TENM2: variants seen among roughly 807,000 people sequenced by gnomAD.
The protein encoded by TENM2 is teneurin-2.
TENM2 carries 52 observed loss-of-function variants against 245.2 expected under a neutral mutation model. That is an observed-to-expected ratio of 0.21 (90% CI 0.17 to 0.27). TENM2 has a LOEUF of 0.27. Ranked by LOEUF, TENM2 falls within the 10% of genes least tolerant of loss-of-function variation. The probability of loss-of-function intolerance (pLI) is 1.00; values close to 1 mark genes in which losing one functional copy is unlikely to be tolerated. For synonymous variants in TENM2, 1,363 were observed against 1,438.9 expected (o/e 0.95, Z 1.19); for missense variants, 3,046 against 3,666.8 (o/e 0.83, Z 4.37).
chr5:167,782,736 A>T (rs1001189035), intron 2 of TENM2, among the ~76,000 whole-genome samples: 2 of 152,212 alleles, frequency 1.3e-5, no homozygotes, highest in Admixed American at 6.5e-5. Flanking sequence ...TACTTTTTTG[A>T]TCTTTTCACC....
At chr5:167,290,958 T>G (rs1754596715) in intron 1 of TENM2, among the ~76,000 whole-genome samples, 1 of 152,208 alleles carries the variant, frequency 6.6e-6, no homozygotes, top group Admixed American at 6.5e-5. Flanking sequence ...GGCAATAATT[T>G]GGAGTCTATG....
At chr5:167,252,474 A>C in the TENM2 span, among the ~76,000 whole-genome samples, 1 of 152,124 alleles carries the variant, frequency 6.6e-6, no homozygotes, top group Non-Finnish European at 1.5e-5. Flanking sequence ...GTCCAGGCTG[A>C]TAGAGACTCT....
At chr5:167,075,428 G>A in the TENM2 span, among the ~76,000 whole-genome samples, 2 of 152,192 alleles carry the variant, frequency 1.3e-5, no homozygotes, top group African/African-American at 4.8e-5. Flanking sequence ...AGGTGATTGG[G>A]AAAGTAGGTA....
At chr5:167,357,258 C>T (rs1461265464) in intron 1 of TENM2, among the ~76,000 whole-genome samples, 5 of 151,134 alleles carry the variant, frequency 3.3e-5, no homozygotes, top group South Asian at 2.1e-4. Flanking sequence ...ACAGAGCCCT[C>T]GTTGCTTTGA....
the TENM2 span, among the ~76,000 whole-genome samples, chr5:167,238,733 A>G: frequency 1.3e-5 from 2 of 152,036 alleles, no homozygotes. Flanking sequence ...ATAGTAAGAA[A>G]TGGAACTTAG....
In TENM2 at chr5:167,701,520, G is replaced by C. The variant is rs188136324; in HGVS notation, c.503-174466G>C. On this transcript the variant is annotated intron_variant, in intron 2 of 28. Transcript: ENST00000518659. ...GAGAAGAAGAAAACAACATAGGTTC[G>C]TGACATGTAATATTTGAGACCATTG... Among the ~76,000 whole-genome samples, 56 of 152,108 alleles carry C rather than the reference G, an allele frequency of 3.7e-4. No individual in the cohort carries two copies. In the East Asian group the frequency reaches 9.1e-3, roughly 25 times the overall value.
At chr5:168,215,355 A>C (rs1763097108) in intron 21 of TENM2, 83 bp downstream of exon 23, 2 of 1,056,166 alleles carry the variant, frequency 1.9e-6, no homozygotes, top group Non-Finnish European at 2.9e-6. Context: ...AACTTAACTA[A>C]GTCCAGCAGT....
chr5:167,665,589 A>G (rs9313386), intron 2 of TENM2, among the ~76,000 whole-genome samples: 4,054 of 152,240 alleles, frequency 0.027, 182 homozygotes, highest in African/African-American at 0.092. Context: ...TGAAAAAGAG[A>G]GATATAAACT....
At chr5:167,317,761 A>G (rs1202492109) in intron 1 of TENM2, among the ~76,000 whole-genome samples, 2 of 152,064 alleles carry the variant, frequency 1.3e-5, no homozygotes, top group Non-Finnish European at 1.5e-5. Flanking sequence ...CCTTTCCCTA[A>G]AGTGCATTTG....
intron 2 of TENM2, among the ~76,000 whole-genome samples, chr5:167,844,260 G>A (rs1181412314): frequency 6.6e-6 from 1 of 152,232 alleles, no homozygotes; most frequent in Non-Finnish European, 1.5e-5. Flanking sequence ...CTTCGACCTT[G>A]ATTGACTTGC....
intron 2 of TENM2, among the ~76,000 whole-genome samples, chr5:167,500,094 A>G (rs1176214325): frequency 6.6e-6 from 1 of 150,720 alleles, no homozygotes; most frequent in Non-Finnish European, 1.5e-5. Context: ...GTGTTCTACA[A>G]GATGTGGGTG....
intron 1 of TENM2, among the ~76,000 whole-genome samples, chr5:167,301,101 C>T (rs1190516413): frequency 1.3e-5 from 2 of 152,166 alleles, no homozygotes; most frequent in African/African-American, 4.8e-5. Flanking sequence ...ACCCGAAGCT[C>T]AGCATCCGTG....
At chr5:167,449,684 G>C (rs111898009) in intron 2 of TENM2, among the ~76,000 whole-genome samples, 1 of 151,240 alleles carries the variant, frequency 6.6e-6, no homozygotes, top group Non-Finnish European at 1.5e-5. Context: ...GGGGCCAGGT[G>C]CAGTGGCTCA....
chr5:167,663,191 A>G (rs1755353752), intron 2 of TENM2, among the ~76,000 whole-genome samples: 2 of 148,386 alleles, frequency 1.3e-5, no homozygotes, highest in South Asian at 4.3e-4. Flanking sequence ...AGAGAGAAAG[A>G]GAGAGAATGA....
chr5:167,208,731 A>C, the TENM2 span, among the ~76,000 whole-genome samples: 4 of 152,142 alleles, frequency 2.6e-5, no homozygotes, highest in Admixed American at 6.6e-5. Flanking sequence ...ATTGATGGAG[A>C]TCTTTTTGTT....
At chr5:167,097,242 G>T in the TENM2 span, among the ~76,000 whole-genome samples, 4,707 of 152,198 alleles carry the variant, frequency 0.031, 230 homozygotes, top group African/African-American at 0.11. Context: ...TTCTGTGCGG[G>T]TTGATGTGTT....
intron 7 of TENM2, among the ~76,000 whole-genome samples, chr5:168,079,744 A>G (rs912772770): frequency 1.3e-5 from 2 of 152,166 alleles, no homozygotes; most frequent in African/African-American, 2.4e-5. Flanking sequence ...ATTGATTTGC[A>G]TATGTTGAAC....
In TENM2 at chr5:168,247,542, C is replaced by T. The variant is rs767749293; in HGVS notation, c.6603C>T (p.Tyr2201=). Residue 2201 remains tyrosine (Y), a synonymous_variant, in exon 27 of 29, where the codon TAC becomes TAT. Transcript: ENST00000518659. The surrounding 1 kb of genome is among the most constrained non-coding windows in gnomAD (Gnocchi z 7.8). ...GGCCCTATGCCAATACCACGAAGTA[C>T]ACCTATGACTACGATGGGGACGGGC... 16 of 1,612,922 alleles carry T rather than the reference C, an allele frequency of 9.9e-6. No individual in the cohort carries two copies. The highest frequency in any genetic ancestry group is 7.6e-6 in the Non-Finnish European group (9 of 1,179,168).
intron 5 of TENM2, among the ~76,000 whole-genome samples, chr5:168,004,195 T>TA (rs892085316): frequency 2.0e-5 from 3 of 152,184 alleles, no homozygotes; most frequent in Non-Finnish European, 4.4e-5. Flanking sequence ...TCCTGATTTG[T>TA]AAAAAAATCT....
Sources: allele counts gnomAD v4.1 joint callset (sites outside exome capture counted in the v4.1 genomes callset), GRCh38; gene constraint gnomAD v4.1.1; non-coding constraint Gnocchi (gnomAD v3.1); transcripts MANE v1.5; gene names NCBI Gene and HGNC (gene_info 2026-07-23, HGNC 2026-07-21).